The following ELAVL4 variants were observed in gnomAD, a reference collection of about 807,000 sequenced individuals.
The protein encoded by ELAVL4 is ELAV-like protein 4.
ELAVL4 carries 1 observed loss-of-function variant against 35.6 expected under a neutral mutation model. The ratio of observed to expected loss-of-function variants is 0.03; its 90% CI spans 0.01 to 0.13. The LOEUF is 0.13. Ranked by LOEUF, ELAVL4 falls within the 10% of genes least tolerant of loss-of-function variation. ELAVL4 has a pLI of 1.00. For synonymous variants in ELAVL4, 156 were observed against 171.0 expected (o/e 0.91, Z 0.69); for missense variants, 267 against 464.9 (o/e 0.57, Z 3.91).
intron 1 of ELAVL4, among the ~76,000 whole-genome samples, chr1:50,061,688 T>C (rs1366112417): frequency 6.6e-6 from 1 of 152,188 alleles, no homozygotes; most frequent in Non-Finnish European, 1.5e-5. Context: ...GGCCATGCTT[T>C]TGCTGGGCGG....
intron 2 of ELAVL4, 97 bp downstream of exon 2, chr1:50,145,294 T>C (rs1462325241): frequency 6.5e-7 from 1 of 1,546,334 alleles, no homozygotes; most frequent in Non-Finnish European, 8.8e-7. Context: ...CTATATCATG[T>C]ACCCTGCATG....
intron 2 of ELAVL4, among the ~76,000 whole-genome samples, chr1:50,158,672 T>A (rs923489531): frequency 5.9e-5 from 9 of 152,132 alleles, no homozygotes; most frequent in African/African-American, 2.2e-4. Context: ...GTCTAGATTA[T>A]CCCAGAAGCA....
chr1:50,164,415 T>C (rs1282285868), intron 2 of ELAVL4, among the ~76,000 whole-genome samples: 1 of 152,198 alleles, frequency 6.6e-6, no homozygotes, highest in African/African-American at 2.4e-5. Flanking sequence ...ATCTGTTCCC[T>C]AATTTTCTTC....
chr1:50,162,588 G>A (rs970442544), intron 2 of ELAVL4, among the ~76,000 whole-genome samples: 8 of 152,202 alleles, frequency 5.3e-5, no homozygotes, highest in Non-Finnish European at 8.8e-5. Flanking sequence ...TTGTTGTTGC[G>A]TTGATGTTAT....
intron 1 of ELAVL4, among the ~76,000 whole-genome samples, chr1:50,054,784 T>G (rs1663569667): frequency 6.6e-6 from 1 of 152,228 alleles, no homozygotes; most frequent in African/African-American, 2.4e-5. Context: ...ATCCTTTCTG[T>G]GGCCTTAGGG....
intron 1 of ELAVL4, among the ~76,000 whole-genome samples, chr1:50,062,483 A>G (rs368156699): frequency 3.3e-5 from 5 of 151,976 alleles, no homozygotes; most frequent in Non-Finnish European, 4.4e-5. Context: ...TGCACTTACC[A>G]TACCACACCC....
chr1:50,071,974 C>T lies in ELAVL4; in HGVS notation c.18+23792C>T, dbSNP rs150876896. Among the ~76,000 whole-genome samples the T allele has an allele frequency of 4.1e-4, 62 of 152,220 alleles. No individual in the cohort carries two copies. The East Asian group carries it at 0.012, about 29-fold the overall frequency. ...CCAGTAAGTAGTCAACAAATAGTAC[C>T]TATTACTATTAATATTAACATTATT... On this transcript the variant is annotated intron_variant, in intron 1 of 6. Coordinates refer to the ELAVL4 transcript ENST00000448907.
chr1:50,165,548 TA>T (rs1448015666), intron 2 of ELAVL4, among the ~76,000 whole-genome samples: 3 of 149,028 alleles, frequency 2.0e-5, no homozygotes, highest in Non-Finnish European at 4.5e-5. Flanking sequence ...TATGTATATA[TA>T]GTATATATGC....
At chr1:50,168,276 G>A (rs1323707579) in intron 2 of ELAVL4, among the ~76,000 whole-genome samples, 2 of 152,166 alleles carry the variant, frequency 1.3e-5, no homozygotes, top group Non-Finnish European at 2.9e-5. Flanking sequence ...GGTGGCAGGA[G>A]TGTCCCCAGC....
intron 2 of ELAVL4, 27 bp from the exon 3 acceptor site, chr1:50,177,060 TTC>T: frequency 1.9e-6 from 3 of 1,561,984 alleles, no homozygotes; most frequent in East Asian, 2.3e-5. Context: ...CTCTCTCCCT[TTC>T]TCTCTCTCTT....
At chr1:50,103,409 T>G (rs925720174), upstream of ELAVL4, among the ~76,000 whole-genome samples, 2 of 152,122 alleles carry the variant, frequency 1.3e-5, no homozygotes, top group African/African-American at 4.8e-5. Context: ...CTATAAAAAT[T>G]GATTTAATGT....
chr1:50,165,665 T>TAG (rs1677696545), intron 2 of ELAVL4, among the ~76,000 whole-genome samples: 1 of 148,540 alleles, frequency 6.7e-6, no homozygotes, highest in South Asian at 2.1e-4. Context: ...TGTGTATATA[T>TAG]GTATATGTGT....
Position 50,201,366 on chromosome 1 carries a change from G to T in ELAVL4, c.*188G>T. 42 of 446,780 alleles carry T rather than the reference G, an allele frequency of 9.4e-5. No homozygotes were observed. The highest frequency in any genetic ancestry group is 1.4e-4 in the Admixed American group (3 of 21,884). The allele number at this position is 446,780 out of a possible 1,614,324, so 27.7% of individuals were successfully genotyped here. ...ATTATCCTGAGGTGTACCAGGAAAGGATTTTATAATGCTTAGAAAAAAAGA... is the reference window on the plus strand; with the variant it reads ...ATTATCCTGAGGTGTACCAGGAAAGTATTTTATAATGCTTAGAAAAAAAGA... On this transcript the variant is annotated 3_prime_UTR_variant, in exon 7 of 7. Transcript: ENST00000371824. The surrounding 1 kb of genome is among the most constrained non-coding windows in gnomAD (Gnocchi z 4.3).
At chr1:50,119,088 G>GAAAGAAAGAA (rs1553170372) in intron 1 of ELAVL4, among the ~76,000 whole-genome samples, 18 of 129,052 alleles carry the variant, frequency 1.4e-4, no homozygotes, top group South Asian at 2.6e-4. Context: ...AAGAAAGAAA[G>GAAAGAAAGAA]AAAGAAAAAG....
Position 50,201,445 on chromosome 1 carries a change from C to A in ELAVL4, c.*267C>A. On this transcript the variant is annotated 3_prime_UTR_variant, in exon 7 of 7. Coordinates refer to ENST00000371824, the MANE Select transcript of ELAVL4 (RefSeq NM_001144774.3). The surrounding 1 kb of genome is among the most constrained non-coding windows in gnomAD (Gnocchi z 4.3). ...GCATTGAATGTTCTTTCATAGCTGT[C>A]GTTGTTGAATATAATATACATAGAT... The A allele has an allele frequency of 4.5e-6, 1 of 221,844 alleles. No homozygotes were observed. The highest frequency in any genetic ancestry group is 8.7e-6 in the Non-Finnish European group (1 of 114,904). The allele number at this position is 221,844 out of a possible 1,614,324, so 13.7% of individuals were successfully genotyped here. A position where few individuals can be genotyped will look rare whatever the true frequency, so the allele number is the denominator to read the frequency against.
At chr1:50,106,392 T>C (rs1666307135), upstream of ELAVL4, 1 of 1,612,598 alleles carries the variant, frequency 6.2e-7, no homozygotes, top group Non-Finnish European at 8.5e-7. Flanking sequence ...TGCTCATTTA[T>C]GGTAAGAGGA....
At chr1:50,133,630 A>AGAAAGAAG (rs1401383569) in intron 1 of ELAVL4, among the ~76,000 whole-genome samples, 2 of 150,028 alleles carry the variant, frequency 1.3e-5, no homozygotes, top group African/African-American at 4.9e-5. Context: ...AAAGAAAGAA[A>AGAAAGAAG]GAAAGAAAGA....
upstream of ELAVL4, among the ~76,000 whole-genome samples, chr1:50,099,226 G>A (rs768212592): frequency 2.6e-5 from 4 of 152,046 alleles, no homozygotes; most frequent in Non-Finnish European, 4.4e-5. Flanking sequence ...GGCAAATAAC[G>A]TACAATTTCT....
intron 1 of ELAVL4, among the ~76,000 whole-genome samples, chr1:50,132,622 T>C (rs1671043117): frequency 6.6e-6 from 1 of 152,152 alleles, no homozygotes; most frequent in African/African-American, 2.4e-5. Context: ...TTTCTAGAAA[T>C]GTGATTTTTA....
Sources: allele counts gnomAD v4.1 joint callset (sites outside exome capture counted in the v4.1 genomes callset), GRCh38; gene constraint gnomAD v4.1.1; non-coding constraint Gnocchi (gnomAD v3.1); transcripts MANE v1.5; gene names NCBI Gene and HGNC (gene_info 2026-07-23, HGNC 2026-07-21).